Variants in ARPP21 observed in about 807,000 individuals in gnomAD.
ARPP21 encodes cAMP regulated phosphoprotein 21.
A neutral mutation model predicts 113.2 loss-of-function variants in ARPP21; 69 were observed. The ratio of observed to expected loss-of-function variants is 0.61; its 90% CI spans 0.50 to 0.74. The LOEUF is 0.74. Among genes scored for constraint, ARPP21 ranks in the 30% least tolerant of loss-of-function variants. ARPP21 has a pLI of 0.00. For synonymous variants in ARPP21, 368 were observed against 375.5 expected, an observed-to-expected ratio of 0.98 and a Z score of 0.23; for missense variants, 1,070 against 1,037.4, an observed-to-expected ratio of 1.03 and a Z score of -0.43.
intron 14 of ARPP21, among the ~76,000 whole-genome samples, chr3:35,727,252 A>G (rs1173839630): frequency 6.6e-6 from 1 of 152,200 alleles, no homozygotes; most frequent in East Asian, 1.9e-4. Context: ...TCAAGTGGCA[A>G]TGTGGGGTCG....
chr3:35,671,275 C>T (rs2076280261), intron 1 of ARPP21, among the ~76,000 whole-genome samples: 1 of 152,156 alleles, frequency 6.6e-6, no homozygotes, highest in Non-Finnish European at 1.5e-5. Flanking sequence ...CATTTAAACA[C>T]ACTGAAAGAT....
At chr3:35,660,120 CT>C (rs945315512) in intron 1 of ARPP21, among the ~76,000 whole-genome samples, 2 of 152,144 alleles carry the variant, frequency 1.3e-5, no homozygotes, top group African/African-American at 4.8e-5. Flanking sequence ...CTTCTTTCCC[CT>C]TTTTGACATA....
chr3:35,667,672 C>T (rs1336072529), intron 1 of ARPP21, among the ~76,000 whole-genome samples: 1 of 151,806 alleles, frequency 6.6e-6, no homozygotes, highest in Non-Finnish European at 1.5e-5. Context: ...ATGTAAGAGT[C>T]CTTCTAGTTA....
rs2096798458 is a variant in ARPP21, at chr3:35,794,316, A to G, written c.*358A>G. The G allele has an allele frequency of 8.3e-6, 2 of 241,692 alleles. No individual in the cohort carries two copies. The highest frequency in any genetic ancestry group is 1.5e-4 in the South Asian group (2 of 13,000). The allele number at this position is 241,692 out of a possible 1,614,324, so 15.0% of individuals were successfully genotyped here. A position where few individuals can be genotyped will look rare whatever the true frequency, so the allele number is the denominator to read the frequency against. On this transcript the variant is annotated 3_prime_UTR_variant, in exon 21 of 21. Transcript: ENST00000684406. ...AAAGTATTTAAAAATTATATACTAA[A>G]TCACATTGTACCAAAGCTGTAATGG...
chr3:35,727,060 A>AT (rs1227736143), intron 14 of ARPP21, among the ~76,000 whole-genome samples: 1 of 152,136 alleles, frequency 6.6e-6, no homozygotes, highest in Non-Finnish European at 1.5e-5. Context: ...TTCTTTTTAC[A>AT]TTTTTTATTT....
At chr3:35,788,552 C>A (rs1375237955) in intron 19 of ARPP21, among the ~76,000 whole-genome samples, 1 of 152,142 alleles carries the variant, frequency 6.6e-6, no homozygotes, top group Non-Finnish European at 1.5e-5. Context: ...AGTATACCGC[C>A]TTCCCTGTTT....
At chr3:35,766,462 C>T (rs1387798761) in intron 19 of ARPP21, among the ~76,000 whole-genome samples, 2 of 152,158 alleles carry the variant, frequency 1.3e-5, no homozygotes, top group Non-Finnish European at 2.9e-5. Flanking sequence ...GTTTCTTTGC[C>T]TGCCCTAGAT....
chr3:35,707,761 A>G (rs1190043394), intron 10 of ARPP21, among the ~76,000 whole-genome samples: 1 of 152,104 alleles, frequency 6.6e-6, no homozygotes, highest in Non-Finnish European at 1.5e-5. Context: ...TGGTACCCGG[A>G]CAGGAGCAAA....
rs376314396 is a variant in ARPP21 at position 35,778,431 on chromosome 3, C to T, written c.2138-13951C>T. ...AGGGAGAGCCAGCGAGCAGTCCTCA[C>T]CGTTCCCTTTTCACCTTGGGATGCA... is the stretch of plus-strand genomic sequence containing the variant. On this transcript the variant is annotated intron_variant, in intron 19 of 20. Coordinates refer to ENST00000684406, the MANE Select transcript of ARPP21 (RefSeq NM_001385562.1). 2.2e-4 allele frequency among the ~76,000 whole-genome samples: 33 copies of T among 151,826 alleles called. No individual in the cohort carries two copies. In the East Asian group the frequency reaches 4.3e-3, roughly 20 times the overall value.
At chr3:35,744,049 C>T (rs1033090554) in intron 19 of ARPP21, 84 bp downstream of exon 19, 14 of 1,455,082 alleles carry the variant, frequency 9.6e-6, no homozygotes, top group Non-Finnish European at 1.2e-5. Context: ...AGTGTCCAAG[C>T]TTGGCAATTT....
At chr3:35,717,801 A>G (rs992331294) in intron 13 of ARPP21, among the ~76,000 whole-genome samples, 1 of 152,094 alleles carries the variant, frequency 6.6e-6, no homozygotes, top group Non-Finnish European at 1.5e-5. Context: ...GGTGAATTTT[A>G]TTTCTGAAGA....
At chr3:35,730,267 C>T (rs1576382853) in intron 15 of ARPP21, among the ~76,000 whole-genome samples, 1 of 152,326 alleles carries the variant, frequency 6.6e-6, no homozygotes, top group East Asian at 1.9e-4. Context: ...GAGATTCTAA[C>T]ATCAGCCAAT....
intron 1 of ARPP21, among the ~76,000 whole-genome samples, chr3:35,664,044 C>A (rs1372857981): frequency 6.6e-6 from 1 of 152,200 alleles, no homozygotes; most frequent in African/African-American, 2.4e-5. Flanking sequence ...AAGCGAAAAT[C>A]AAAATTTCTG....
chr3:35,671,066 G>A (rs2076224814), intron 1 of ARPP21, among the ~76,000 whole-genome samples: 1 of 152,080 alleles, frequency 6.6e-6, no homozygotes, highest in African/African-American at 2.4e-5. Context: ...TACATTTGCT[G>A]TACCAGAGTC....
chr3:35,703,599 A>G (rs1311880383), intron 9 of ARPP21, among the ~76,000 whole-genome samples: 3 of 151,868 alleles, frequency 2.0e-5, no homozygotes, highest in Non-Finnish European at 2.9e-5. Flanking sequence ...TGATGATAAT[A>G]TAGAGAAAGA....
In ARPP21 at chr3:35,789,257, A is replaced by C. The variant is rs531379392; in HGVS notation, c.2138-3125A>C. On this transcript the variant is annotated intron_variant, in intron 19 of 20. Coordinates refer to ENST00000684406, the MANE Select transcript of ARPP21 (RefSeq NM_001385562.1). ...TCTGCCTTCGGGTGTGTTGTGTCCC[A>C]GGCAGGCACTGTCGGTTCATTCATA... 4.6e-5 allele frequency among the ~76,000 whole-genome samples: 7 copies of C among 152,346 alleles called. No homozygotes were observed. In the East Asian group the frequency reaches 7.7e-4, roughly 17 times the overall value.
intron 1 of ARPP21, among the ~76,000 whole-genome samples, chr3:35,644,830 G>A (rs1699574021): frequency 6.6e-6 from 1 of 151,888 alleles, no homozygotes; most frequent in African/African-American, 2.4e-5. Context: ...CATGGTCACA[G>A]TAGATCAATA....
chr3:35,681,625 AT>A, intron 2 of ARPP21, 88 bp from the exon 3 acceptor site: 1 of 703,786 alleles, frequency 1.4e-6, no homozygotes, highest in Non-Finnish European at 2.3e-6. Context: ...GCTCATTTGG[AT>A]TTGAATATGA....
intron 8 of ARPP21, among the ~76,000 whole-genome samples, 168 bp from the exon 9 acceptor site, chr3:35,690,694 TATA>T (rs1202096028): frequency 6.6e-6 from 1 of 151,690 alleles, no homozygotes; most frequent in Non-Finnish European, 1.5e-5. Flanking sequence ...TCAATAAATC[TATA>T]ATAAGTAGAA....
Sources: gnomAD v4.1 joint callset for allele counts (sites outside exome capture counted in the v4.1 genomes callset) on GRCh38, gnomAD v4.1.1 for gene constraint, MANE v1.5 for transcripts, NCBI Gene and HGNC (gene_info 2026-07-23, HGNC 2026-07-21) for gene names.